The following SRFBP1 variants were observed in gnomAD, a reference collection of about 807,000 sequenced individuals.
SRFBP1 encodes serum response factor-binding protein 1.
A neutral mutation model predicts 45.5 loss-of-function variants in SRFBP1; 47 were observed. The ratio of observed to expected loss-of-function variants is 1.03; its 90% CI spans 0.82 to 1.32. The LOEUF (loss-of-function observed/expected upper bound fraction) is 1.32. Ranked by LOEUF, SRFBP1 falls within the 40% of genes most tolerant of loss-of-function variation. The pLI is 0.00. For synonymous variants in SRFBP1, 203 were observed against 166.3 expected (o/e 1.22, Z -1.70); for missense variants, 621 against 484.6 (o/e 1.28, Z -2.64).
chr5:121,995,005 T>C (rs1170877115), intron 4 of SRFBP1, among the ~76,000 whole-genome samples: 2 of 143,566 alleles, frequency 1.4e-5, no homozygotes, highest in Non-Finnish European at 2.9e-5. Flanking sequence ...TGCACCCAGA[T>C]TCATAAAGCA....
At chr5:122,041,004 A>G (rs951843920) in intron 2 of SRFBP1, among the ~76,000 whole-genome samples, 19 of 152,136 alleles carry the variant, frequency 1.2e-4, no homozygotes, top group African/African-American at 4.3e-4. Context: ...AGATTTGTGG[A>G]TTAGGGACAA....
At chr5:121,978,530 C>T (rs190492631) in intron 3 of SRFBP1, among the ~76,000 whole-genome samples, 62 of 152,056 alleles carry the variant, frequency 4.1e-4, no homozygotes, top group Middle Eastern at 6.8e-3. Flanking sequence ...CTCTCTCTGT[C>T]GCCCATGCTG....
intron 3 of SRFBP1, among the ~76,000 whole-genome samples, chr5:121,982,507 G>A (rs77143196): frequency 6.6e-6 from 1 of 151,950 alleles, no homozygotes; most frequent in East Asian, 1.9e-4. Flanking sequence ...TTTATATAAA[G>A]TCTATGATTG....
intron 3 of SRFBP1, among the ~76,000 whole-genome samples, chr5:121,989,805 CAG>C (rs1491123208): frequency 1.3e-5 from 2 of 152,150 alleles, no homozygotes; most frequent in Non-Finnish European, 2.9e-5. Context: ...ATAAGTAAAA[CAG>C]AGTAATTTAG....
chr5:121,964,893 C>G (rs1752030721), intron 1 of SRFBP1, among the ~76,000 whole-genome samples: 1 of 152,130 alleles, frequency 6.6e-6, no homozygotes, highest in African/African-American at 2.4e-5. Flanking sequence ...TTCTAACTGG[C>G]ATGAGATGGT....
chr5:122,022,437 A>G, intron 7 of SRFBP1, 30 bp downstream of exon 7: 3 of 1,592,986 alleles, frequency 1.9e-6, no homozygotes, highest in Non-Finnish European at 2.6e-6. Context: ...TGACCTTCAT[A>G]TGCAATTAAG....
intron 2 of SRFBP1, among the ~76,000 whole-genome samples, chr5:122,057,137 G>C (rs1230765898): frequency 6.6e-6 from 1 of 152,104 alleles, no homozygotes; most frequent in Non-Finnish European, 1.5e-5. Flanking sequence ...AAATGTTCTA[G>C]GTCAAAGTTT....
chr5:121,977,732 T>A (rs1752331582), intron 3 of SRFBP1, among the ~76,000 whole-genome samples: 1 of 152,172 alleles, frequency 6.6e-6, no homozygotes. Context: ...ATTCTTGCTT[T>A]CTATAATAAT....
At chr5:121,969,450 T>G (rs1219420408) in intron 1 of SRFBP1, among the ~76,000 whole-genome samples, 2 of 152,126 alleles carry the variant, frequency 1.3e-5, no homozygotes, top group Admixed American at 6.6e-5. Context: ...CTGCCAACTT[T>G]TGCCTCTCTG....
intron 3 of SRFBP1, among the ~76,000 whole-genome samples, chr5:121,982,937 G>A (rs1752441178): frequency 6.6e-6 from 1 of 151,644 alleles, no homozygotes; most frequent in Non-Finnish European, 1.5e-5. Context: ...AACTGTGAAA[G>A]TATCCAAAGC....
At chr5:121,995,406 G>C (rs929905560) in intron 4 of SRFBP1, among the ~76,000 whole-genome samples, 1 of 152,176 alleles carries the variant, frequency 6.6e-6, no homozygotes, top group Non-Finnish European at 1.5e-5. Flanking sequence ...ACCTGCTCCT[G>C]AATGACTGCT....
chr5:121,999,123 T>G (rs188287902), intron 4 of SRFBP1, among the ~76,000 whole-genome samples: 106 of 152,314 alleles, frequency 7.0e-4, no homozygotes, highest in African/African-American at 2.3e-3. Flanking sequence ...ATGCTATGCA[T>G]TTATCTGTAA....
downstream of SRFBP1, chr5:122,077,470 G>T: frequency 6.2e-7 from 1 of 1,614,072 alleles, no homozygotes; most frequent in Non-Finnish European, 8.5e-7. This position sits in a 1 kb window ranked among gnomAD's most constrained non-coding sequence, Gnocchi z 4.9. Context: ...TGTAGGGGTT[G>T]TAAGGGTCGT....
chr5:122,013,762 G>A (rs1385493964), intron 4 of SRFBP1, among the ~76,000 whole-genome samples: 1 of 152,100 alleles, frequency 6.6e-6, no homozygotes, highest in Admixed American at 6.5e-5. Flanking sequence ...TGGGAAAACT[G>A]CCTAGAAAAA....
intron 7 of SRFBP1, among the ~76,000 whole-genome samples, chr5:122,025,419 C>T (rs1753459493): frequency 6.6e-6 from 1 of 152,160 alleles, no homozygotes; most frequent in Admixed American, 6.5e-5. Context: ...CCGCAATAAA[C>T]ATACGTGTGC....
intron 4 of SRFBP1, among the ~76,000 whole-genome samples, chr5:121,999,466 A>C (rs912439051): frequency 6.6e-6 from 1 of 152,100 alleles, no homozygotes; most frequent in African/African-American, 2.4e-5. Flanking sequence ...TGTTAAGTCA[A>C]ATTGGTTGAT....
In SRFBP1 at chr5:121,975,364, C is replaced by G; in HGVS notation, c.175C>G (p.Leu59Val). The change falls in exon 3 of 8, where the codon CTT becomes GTT. Residue 59 changes from leucine to valine, a missense_variant. Leu to Val is a conservative substitution (Grantham distance 32). Transcript: ENST00000339397. ...LKNQRRAQRL[L>V]EEIHAMKELK... Reference sequence around the variant, plus strand: ...AAACCAAAGACGGGCGCAAAGATTGCTTGAAGAAATCCATGCCATGAAGGT... The same window carrying G: ...AAACCAAAGACGGGCGCAAAGATTGGTTGAAGAAATCCATGCCATGAAGGT... The G allele has an allele frequency of 1.9e-6, 3 of 1,613,212 alleles. No individual in the cohort carries two copies. Among genetic ancestry groups the G allele is most frequent in the African/African-American group, 2.7e-5 (2 of 74,992 alleles).
intron 2 of SRFBP1, chr5:122,066,648 T>A (rs1246196288): frequency 3.2e-5 from 33 of 1,024,152 alleles, no homozygotes; most frequent in Middle Eastern, 2.1e-4. Context: ...CTGTTCTCTT[T>A]TTCAAAATAC....
At chr5:122,064,711 A>C (rs1191340456) in intron 2 of SRFBP1, 1 of 151,998 alleles carries the variant, frequency 6.6e-6, no homozygotes, top group East Asian at 1.9e-4. Context: ...TTGAGGTTAT[A>C]GACAGTCTTT....
Sources: allele counts gnomAD v4.1 joint callset (sites outside exome capture counted in the v4.1 genomes callset), GRCh38; gene constraint gnomAD v4.1.1; non-coding constraint Gnocchi (gnomAD v3.1); transcripts MANE v1.5; gene names NCBI Gene and HGNC (gene_info 2026-07-23, HGNC 2026-07-21).